MTR: variants seen among roughly 807,000 people sequenced by gnomAD.
The protein encoded by MTR is 5-methyltetrahydrofolate-homocysteine methyltransferase.
Under a neutral mutation model 154.8 loss-of-function variants are expected in MTR, and 84 were observed. The ratio of observed to expected loss-of-function variants is 0.54; its 90% confidence interval spans 0.45 to 0.65. MTR has a LOEUF of 0.65. Among genes scored for constraint, MTR ranks in the 30% least tolerant of loss-of-function variants. The pLI is 0.00. For synonymous variants in MTR, 554 were observed against 553.9 expected, an observed-to-expected ratio of 1.00 and a Z score of 0.00; for missense variants, 1,275 against 1,570.2, an observed-to-expected ratio of 0.81 and a Z score of 3.18.
At chr1:236,861,087 CT>C in intron 19 of MTR, 37 bp from the exon 20 acceptor site, 1 of 1,444,748 alleles carries the variant, frequency 6.9e-7, no homozygotes, top group Non-Finnish European at 9.2e-7. Flanking sequence ...TTTTTTCTTT[CT>C]TTCTTTTTCT....
rs780732580 is a variant in MTR, at chr1:236,889,229, A to G, written c.2900A>G (p.Gln967Arg). The change falls in exon 28 of 33, where the codon CAG (glutamine) becomes CGG (arginine). Residue 967 changes from glutamine (Q) to arginine (R), a missense_variant. Transcript: ENST00000366577. ...GTQVFEDYDLQKLVDYIDWKP... is the reference protein window; with the variant it reads ...GTQVFEDYDLRKLVDYIDWKP... ...CAGGTCTTTGAAGACTATGACCTGCAGAAGCTGGTGGACTACATTGACTGG... is the reference window on the plus strand; with the variant it reads ...CAGGTCTTTGAAGACTATGACCTGCGGAAGCTGGTGGACTACATTGACTGG... 1 of 1,614,234 alleles carries G rather than the reference A, an allele frequency of 6.2e-7. No homozygotes were observed. The highest frequency in any genetic ancestry group is 1.1e-5 in the South Asian group (1 of 91,076).
chr1:236,867,192 T>A (rs1250006496), intron 22 of MTR, among the ~76,000 whole-genome samples: 2 of 152,144 alleles, frequency 1.3e-5, no homozygotes, highest in African/African-American at 2.4e-5. Context: ...AGGCTGACTC[T>A]CTTGTGGAGG....
Position 236,861,367 on chromosome 1 carries a change from A to G in MTR, c.2196+90A>G, listed in dbSNP as rs1375643077. ...ATTTGGGATATATTTCTCAGGTTTT[A>G]ATTTGGACAAGAGTTCAATGGTATT... On this transcript the variant is annotated intron_variant, in intron 20 of 32. Transcript: ENST00000366577. 26 of 1,571,186 alleles carry G rather than the reference A, an allele frequency of 1.7e-5. No individual in the cohort carries two copies. The East Asian group carries it at 5.2e-4, about 31-fold the overall frequency.
At chr1:236,836,276 T>G (rs1006172896) in intron 14 of MTR, among the ~76,000 whole-genome samples, 5 of 151,944 alleles carry the variant, frequency 3.3e-5, no homozygotes, top group Non-Finnish European at 7.4e-5. Flanking sequence ...TTTTTTCCCC[T>G]CCTGAGGCAG....
intron 18 of MTR, among the ~76,000 whole-genome samples, chr1:236,858,763 A>G (rs1285499227): frequency 2.6e-5 from 4 of 152,130 alleles, no homozygotes; most frequent in Non-Finnish European, 5.9e-5. Context: ...TTCAAAGGTG[A>G]TACTTAGGTT....
At chr1:236,866,895 A>T (rs1339791908) in intron 22 of MTR, among the ~76,000 whole-genome samples, 1 of 152,182 alleles carries the variant, frequency 6.6e-6, no homozygotes, top group African/African-American at 2.4e-5. Context: ...AGGCTGAGAG[A>T]GGTGAAGAAG....
intron 25 of MTR, 136 bp downstream of exon 25, chr1:236,880,972 G>T: frequency 2.2e-6 from 2 of 890,822 alleles, no homozygotes; most frequent in Non-Finnish European, 1.8e-6. Flanking sequence ...GGCTCATGGT[G>T]TGCCTCTGCA....
chr1:236,860,709 G>T (rs1404251664), intron 19 of MTR, among the ~76,000 whole-genome samples: 1 of 152,156 alleles, frequency 6.6e-6, no homozygotes, highest in East Asian at 1.9e-4. Context: ...ATACAAAATG[G>T]ATTTTATGCA....
At chr1:236,796,631 G>A (rs1340474085) in intron 1 of MTR, among the ~76,000 whole-genome samples, 2 of 152,064 alleles carry the variant, frequency 1.3e-5, no homozygotes, top group Non-Finnish European at 2.9e-5. Flanking sequence ...TTCTGATAAC[G>A]GGACTGATAT....
intron 15 of MTR, among the ~76,000 whole-genome samples, chr1:236,849,730 C>CT (rs1663790614): frequency 6.6e-6 from 1 of 152,098 alleles, no homozygotes; most frequent in Admixed American, 6.5e-5. Context: ...AGTGTTTTGC[C>CT]TTTTAGGGAC....
At chr1:236,857,100 C>T (rs538342934) in intron 18 of MTR, among the ~76,000 whole-genome samples, 3 of 152,292 alleles carry the variant, frequency 2.0e-5, no homozygotes, top group South Asian at 2.1e-4. Context: ...CTTGAGGAAT[C>T]GCTGCACTGC....
At chr1:236,831,102 G>C (rs1662584752) in intron 12 of MTR, among the ~76,000 whole-genome samples, 1 of 152,178 alleles carries the variant, frequency 6.6e-6, no homozygotes, top group Non-Finnish European at 1.5e-5. Context: ...GTTGCCCCAA[G>C]GTTGTTCATT....
rs1660339946 is a variant in MTR at position 236,795,756 on chromosome 1, C to T, written c.34+19C>T. 1.9e-6 allele frequency: 3 copies of T among 1,614,152 alleles called. No individual in the cohort carries two copies. The highest frequency in any genetic ancestry group is 2.2e-5 in the East Asian group (1 of 44,890). ...CAACCCGGTAACGCTGCGACCCCGT[C>T]TGCGTGGTTGGGTTGTGTTTCTTAA... On this transcript the variant is annotated intron_variant, in intron 1 of 32. Coordinates refer to ENST00000366577, the MANE Select transcript of MTR (RefSeq NM_000254.3).
At position 236,889,163 on chromosome 1, in the gene MTR, C is replaced by T; in HGVS notation, c.2852-18C>T. ...GGGTGCCAGCGTCAGCATTGACAACCATACTTCTCTCCTGTAGTGAAGCCC... is the reference window on the plus strand; with the variant it reads ...GGGTGCCAGCGTCAGCATTGACAACTATACTTCTCTCCTGTAGTGAAGCCC... On this transcript the variant is annotated intron_variant, in intron 27 of 32. Transcript: ENST00000366577. 6.2e-7 allele frequency: 1 copy of T among 1,614,028 alleles called. No homozygotes were observed. Among genetic ancestry groups the T allele is most frequent in the African/African-American group, 1.3e-5 (1 of 75,044 alleles).
chr1:236,841,040 T>TAA (rs1663201358), intron 15 of MTR, among the ~76,000 whole-genome samples: 1 of 152,196 alleles, frequency 6.6e-6, no homozygotes, highest in Non-Finnish European at 1.5e-5. Flanking sequence ...AATAGTTCCG[T>TAA]AAACAAAAAG....
At chr1:236,797,360 G>A (rs529881673) in intron 1 of MTR, among the ~76,000 whole-genome samples, 64 of 152,294 alleles carry the variant, frequency 4.2e-4, no homozygotes, top group African/African-American at 1.4e-3. Context: ...TCAGACCATG[G>A]TTGTGTGCCC....
intron 32 of MTR, among the ~76,000 whole-genome samples, 192 bp downstream of exon 32, chr1:236,897,310 G>GCGCGTGCGCACACACA: frequency 7.8e-6 from 1 of 128,614 alleles, no homozygotes; most frequent in East Asian, 2.3e-4. Flanking sequence ...CCACACACAC[G>GCGCGTGCGCACACACA]CACACACACA....
chr1:236,827,196 A>G (rs549689810), intron 11 of MTR, among the ~76,000 whole-genome samples: 3 of 152,354 alleles, frequency 2.0e-5, no homozygotes, highest in African/African-American at 4.8e-5. Flanking sequence ...AAGAATAGCT[A>G]TCTACAAGAC....
intron 23 of MTR, among the ~76,000 whole-genome samples, 180 bp from the exon 24 acceptor site, chr1:236,874,546 G>A (rs1665321276): frequency 6.6e-6 from 1 of 151,164 alleles, no homozygotes; most frequent in Non-Finnish European, 1.5e-5. Context: ...ACTCCAACCT[G>A]GGCAACCGAA....
Sources: gnomAD v4.1 joint callset for allele counts (sites outside exome capture counted in the v4.1 genomes callset) on GRCh38, gnomAD v4.1.1 for gene constraint, MANE v1.5 for transcripts, NCBI Gene and HGNC (gene_info 2026-07-23, HGNC 2026-07-21) for gene names.